Variants in FGF14 observed in about 807,000 individuals in gnomAD.
FGF14 encodes fibroblast growth factor homologous factor 4.
A neutral mutation model predicts 25.5 loss-of-function variants in FGF14; 5 were observed. The ratio of observed to expected loss-of-function variants is 0.20; its 90% confidence interval spans 0.10 to 0.41. The LOEUF (loss-of-function observed/expected upper bound fraction) is 0.41. Among genes scored for constraint, FGF14 ranks in the 10% least tolerant of loss-of-function variants. FGF14 has a pLI of 1.00. For synonymous variants in FGF14, 138 were observed against 118.3 expected (o/e 1.17, Z -1.08); for missense variants, 222 against 320.1 (o/e 0.69, Z 2.34).
At chr13:102,116,726 T>C (rs893815665) in intron 1 of FGF14, among the ~76,000 whole-genome samples, 1 of 152,192 alleles carries the variant, frequency 6.6e-6, no homozygotes, top group Non-Finnish European at 1.5e-5. Flanking sequence ...GATAAAAAAG[T>C]TTTAGAAACA....
chr13:101,956,582 A>G (rs573940305), intron 1 of FGF14, among the ~76,000 whole-genome samples: 47 of 152,282 alleles, frequency 3.1e-4, no homozygotes, highest in Admixed American at 3.1e-3. Flanking sequence ...ATATACAAAC[A>G]ACAATAACGA....
At chr13:102,096,224 C>G (rs2044393217) in intron 1 of FGF14, among the ~76,000 whole-genome samples, 1 of 151,800 alleles carries the variant, frequency 6.6e-6, no homozygotes, top group African/African-American at 2.4e-5. Flanking sequence ...GGAGAGTGAA[C>G]TAAAAAGAAA....
At chr13:101,864,221 T>C (rs2044574141) in intron 3 of FGF14, among the ~76,000 whole-genome samples, 1 of 152,162 alleles carries the variant, frequency 6.6e-6, no homozygotes, top group African/African-American at 2.4e-5. Context: ...AGTTGTTGCT[T>C]AAGTGAAGAA....
chr13:101,953,946 A>G (rs2036346046), intron 1 of FGF14, among the ~76,000 whole-genome samples: 1 of 152,046 alleles, frequency 6.6e-6, no homozygotes, highest in Non-Finnish European at 1.5e-5. Context: ...AGCATCCATC[A>G]CCCTCTGTCT....
At chr13:101,832,115 A>C (rs2042699479) in intron 3 of FGF14, among the ~76,000 whole-genome samples, 1 of 152,106 alleles carries the variant, frequency 6.6e-6, no homozygotes, top group African/African-American at 2.4e-5. Flanking sequence ...CCTCGTAAGA[A>C]AGGCAGAGGG....
chr13:102,050,942 C>T (rs1298322752), intron 1 of FGF14, among the ~76,000 whole-genome samples: 1 of 152,190 alleles, frequency 6.6e-6, no homozygotes, highest in Non-Finnish European at 1.5e-5. Context: ...AGGTAACCAA[C>T]AGCCATTCTT....
intron 1 of FGF14, among the ~76,000 whole-genome samples, chr13:102,048,924 C>T (rs1454704990): frequency 1.3e-5 from 2 of 152,090 alleles, no homozygotes; most frequent in Non-Finnish European, 2.9e-5. Context: ...TTATTTAAAT[C>T]GGAATAACTT....
intron 1 of FGF14, among the ~76,000 whole-genome samples, chr13:102,267,879 T>G (rs1039349568): frequency 6.6e-6 from 1 of 152,084 alleles, no homozygotes; most frequent in Non-Finnish European, 1.5e-5. Context: ...TTCAAATGTA[T>G]TATCTAAGGA....
intron 1 of FGF14, among the ~76,000 whole-genome samples, chr13:101,947,082 A>C (rs972678033): frequency 2.0e-5 from 3 of 152,148 alleles, no homozygotes; most frequent in Non-Finnish European, 2.9e-5. Flanking sequence ...GAAACTTATG[A>C]AAAAAATGCT....
At chr13:102,031,227 T>C (rs1183155292) in intron 1 of FGF14, among the ~76,000 whole-genome samples, 8 of 152,078 alleles carry the variant, frequency 5.3e-5, no homozygotes, top group Admixed American at 5.2e-4. Flanking sequence ...AGAGTCCTGA[T>C]CATGAAAAAG....
At chr13:102,036,480 G>A (rs1399678341) in intron 1 of FGF14, among the ~76,000 whole-genome samples, 6 of 152,216 alleles carry the variant, frequency 3.9e-5, no homozygotes, top group African/African-American at 1.4e-4. Context: ...TGGGAGAGAG[G>A]GAAGCAGCTC....
chr13:102,191,240 A>C (rs1395826708), intron 1 of FGF14, among the ~76,000 whole-genome samples: 1 of 152,212 alleles, frequency 6.6e-6, no homozygotes, highest in East Asian at 1.9e-4. Context: ...GGCAAACAAG[A>C]AGCTGACCAA....
chr13:101,829,184 G>A (rs1056549274), intron 3 of FGF14, among the ~76,000 whole-genome samples: 3 of 152,094 alleles, frequency 2.0e-5, no homozygotes, highest in Non-Finnish European at 4.4e-5. Context: ...CATACATAAA[G>A]TTGGGAAAGA....
intron 1 of FGF14, among the ~76,000 whole-genome samples, chr13:102,128,909 C>G (rs532774111): frequency 1.3e-5 from 2 of 152,140 alleles, no homozygotes; most frequent in African/African-American, 4.8e-5. Context: ...ACGGTGAAAC[C>G]CTGTCTCTAC....
intron 1 of FGF14, among the ~76,000 whole-genome samples, chr13:102,295,856 T>A (rs2054679689): frequency 2.0e-5 from 3 of 152,072 alleles, no homozygotes; most frequent in African/African-American, 7.2e-5. Flanking sequence ...CAGCTCTGGG[T>A]CAAGTTCACA....
At chr13:101,805,314 T>C (rs1378650776) in intron 3 of FGF14, among the ~76,000 whole-genome samples, 3 of 152,104 alleles carry the variant, frequency 2.0e-5, no homozygotes, top group African/African-American at 7.2e-5. Context: ...TTATCATAGG[T>C]AAATCATTAT....
chr13:101,748,144 C>A (rs762860872), intron 3 of FGF14, among the ~76,000 whole-genome samples: 1 of 151,624 alleles, frequency 6.6e-6, no homozygotes, highest in Admixed American at 6.6e-5. Context: ...AGAAATTATT[C>A]TATAAAAAAA....
intron 1 of FGF14, among the ~76,000 whole-genome samples, chr13:102,035,956 T>G (rs992186397): frequency 6.6e-6 from 1 of 152,068 alleles, no homozygotes; most frequent in Non-Finnish European, 1.5e-5. Context: ...GGAAGATCAA[T>G]GTAAGGGAAA....
intron 1 of FGF14, among the ~76,000 whole-genome samples, chr13:102,143,900 C>T (rs1301724836): frequency 6.6e-6 from 1 of 152,182 alleles, no homozygotes; most frequent in African/African-American, 2.4e-5. Context: ...CATAGAATCA[C>T]TTAGGTCCTC....
Sources: allele counts gnomAD v4.1 joint callset (sites outside exome capture counted in the v4.1 genomes callset), GRCh38; gene constraint gnomAD v4.1.1; transcripts MANE v1.5; gene names NCBI Gene and HGNC (gene_info 2026-07-23, HGNC 2026-07-21).